Variants in CLMN observed in about 807,000 individuals in gnomAD.
CLMN encodes the protein calmin.
CLMN carries 57 observed loss-of-function variants against 92.7 expected under a neutral mutation model. The ratio of observed to expected loss-of-function variants is 0.61; its 90% confidence interval spans 0.50 to 0.77. The LOEUF (loss-of-function observed/expected upper bound fraction) is 0.77, where lower values mean the gene tolerates loss of function less well. Among genes scored for constraint, CLMN ranks in the 30% least tolerant of loss-of-function variants. The pLI, the probability that CLMN is intolerant of heterozygous loss-of-function variation, is 0.00. For missense variants in CLMN, 1,158 were observed against 1,237.5 expected, an observed-to-expected ratio of 0.94 and a Z score of 0.96; for synonymous variants, 466 against 470.6, an observed-to-expected ratio of 0.99 and a Z score of 0.13.
intron 1 of CLMN, among the ~76,000 whole-genome samples, chr14:95,250,233 T>C (rs967643383): frequency 7.2e-5 from 11 of 152,242 alleles, no homozygotes; most frequent in Non-Finnish European, 1.2e-4. Context: ...AGTCAAGTTT[T>C]TGTTACTTGC....
intron 1 of CLMN, among the ~76,000 whole-genome samples, chr14:95,297,455 G>A (rs1478743148): frequency 1.3e-5 from 2 of 152,058 alleles, no homozygotes; most frequent in African/African-American, 2.4e-5. Context: ...ACCACCATAC[G>A]GAAGAGATAG....
chr14:95,212,111 AG>A (rs898086099), intron 6 of CLMN, among the ~76,000 whole-genome samples: 6 of 152,206 alleles, frequency 3.9e-5, no homozygotes, highest in Non-Finnish European at 8.8e-5. Flanking sequence ...AAAACTCTGA[AG>A]ATCCAACCTC....
chr14:95,213,194 T>C (rs1168415726), intron 6 of CLMN, 25 bp downstream of exon 6: 7 of 1,609,404 alleles, frequency 4.3e-6, no homozygotes, highest in South Asian at 2.2e-5. Flanking sequence ...AATGAAGTAG[T>C]GTGGGGAGAG....
intron 2 of CLMN, among the ~76,000 whole-genome samples, chr14:95,228,671 T>C (rs2140631333): frequency 6.6e-6 from 1 of 152,368 alleles, no homozygotes; most frequent in Admixed American, 6.5e-5. Context: ...TAGTTACTCT[T>C]GAACCTTTTG....
In CLMN at chr14:95,208,104, C is replaced by G. The variant is rs77700159; in HGVS notation, c.885+1291G>C. On this transcript the variant is annotated intron_variant, in intron 8 of 12. Transcript: ENST00000298912. ...GCAGCCAGCTAGAAAAGCAGCTCCC[C>G]TCTCCTGCAAGCATCCTTTAACTCT... 4.7e-3 allele frequency among the ~76,000 whole-genome samples: 722 copies of G among 152,154 alleles called. 12 individuals are homozygous for G. In the East Asian group the frequency reaches 0.056, roughly 12 times the overall value.
At chr14:95,236,943 G>A (rs1159948736) in intron 1 of CLMN, among the ~76,000 whole-genome samples, 1 of 152,188 alleles carries the variant, frequency 6.6e-6, no homozygotes, top group Non-Finnish European at 1.5e-5. Flanking sequence ...GGGAGAGCAT[G>A]CAAGCAGGTG....
intron 1 of CLMN, among the ~76,000 whole-genome samples, chr14:95,278,238 G>A (rs891889991): frequency 5.3e-5 from 8 of 152,128 alleles, no homozygotes; most frequent in Admixed American, 3.3e-4. Context: ...CAGCAATATC[G>A]GGTGCTTGTC....
chr14:95,264,486 G>A (rs1899389656), intron 1 of CLMN, among the ~76,000 whole-genome samples: 1 of 152,100 alleles, frequency 6.6e-6, no homozygotes, highest in South Asian at 2.1e-4. Flanking sequence ...AATCCACCAT[G>A]CTCAGTACAG....
At chr14:95,307,739 C>CAGCTCTCCAAGAGAGAGCT (rs1901347831) in intron 1 of CLMN, 1 of 152,162 alleles carries the variant, frequency 6.6e-6, no homozygotes, top group African/African-American at 2.4e-5. Flanking sequence ...TGGAGAGAGC[C>CAGCTCTCCAAGAGAGAGCT]AGCTCTCCAA....
intron 4 of CLMN, among the ~76,000 whole-genome samples, chr14:95,215,957 T>C (rs1420988372): frequency 1.3e-5 from 2 of 152,198 alleles, no homozygotes; most frequent in African/African-American, 4.8e-5. Context: ...ACTTACCATA[T>C]GCAGCCTCTA....
intron 1 of CLMN, among the ~76,000 whole-genome samples, chr14:95,269,549 A>G (rs567799906): frequency 6.6e-6 from 1 of 152,280 alleles, no homozygotes; most frequent in South Asian, 2.1e-4. Flanking sequence ...ATTGTGCTTT[A>G]TGTTCATATT....
chr14:95,272,039 C>T (rs1206164404), intron 1 of CLMN, among the ~76,000 whole-genome samples: 1 of 152,196 alleles, frequency 6.6e-6, no homozygotes, highest in Non-Finnish European at 1.5e-5. Flanking sequence ...TTAATCTATC[C>T]CTTCTCTGTT....
At chr14:95,237,380 C>T (rs141542253) in intron 1 of CLMN, among the ~76,000 whole-genome samples, 6 of 152,358 alleles carry the variant, frequency 3.9e-5, no homozygotes, top group African/African-American at 1.4e-4. Flanking sequence ...AGGTGGATCC[C>T]ACCTGAACCC....
chr14:95,301,504 C>T (rs761721423), intron 1 of CLMN, among the ~76,000 whole-genome samples: 20 of 81,268 alleles, frequency 2.5e-4, no homozygotes, highest in Non-Finnish European at 4.0e-4. Context: ...TTGAGGGATG[C>T]TGGCCTCCAG....
At chr14:95,283,235 C>T (rs1291708625) in intron 1 of CLMN, among the ~76,000 whole-genome samples, 1 of 152,194 alleles carries the variant, frequency 6.6e-6, no homozygotes, top group East Asian at 1.9e-4. Flanking sequence ...GCTTTTGCTT[C>T]TTTCTCATTT....
chr14:95,215,811 CTCTCTGTGTGTG>C lies in CLMN; in HGVS notation c.325-90_325-79del, dbSNP rs1201885786. On this transcript the variant is annotated intron_variant, in intron 4 of 12. Transcript: ENST00000298912. ...TATGTTATTTTCTGGTTCTCTCTCT[CTCTCTGTGTGTG>C]TGTGTGTGTGTGTGTGTGTGTGTGT... The C allele has an allele frequency of 3.0e-4, 273 of 903,000 alleles. No homozygotes were observed. The East Asian group carries it at 6.5e-3, about 22-fold the overall frequency. The allele number at this position is 903,000 out of a possible 1,614,324, so 55.9% of individuals were successfully genotyped here.
At chr14:95,193,176 C>A (rs1422006186) in intron 12 of CLMN, 1 of 591,398 alleles carries the variant, frequency 1.7e-6, no homozygotes, top group East Asian at 2.9e-5. Flanking sequence ...TAAAGCAACT[C>A]TATGACTTCA....
At chr14:95,265,498 C>A (rs1406373807) in intron 1 of CLMN, among the ~76,000 whole-genome samples, 1 of 152,202 alleles carries the variant, frequency 6.6e-6, no homozygotes, top group Non-Finnish European at 1.5e-5. Context: ...AAGTGTCTTT[C>A]TCTGTATGTA....
At chr14:95,292,908 G>A (rs1235279583) in intron 1 of CLMN, among the ~76,000 whole-genome samples, 3 of 152,066 alleles carry the variant, frequency 2.0e-5, no homozygotes, top group South Asian at 2.1e-4. Flanking sequence ...ACATCCAACC[G>A]GCCACAAACA....
Sources: allele counts gnomAD v4.1 joint callset (sites outside exome capture counted in the v4.1 genomes callset), GRCh38; gene constraint gnomAD v4.1.1; transcripts MANE v1.5; gene names NCBI Gene and HGNC (gene_info 2026-07-23, HGNC 2026-07-21).